Variants in BOLL observed in about 807,000 individuals in gnomAD.
BOLL encodes protein boule-like.
In BOLL, 23 loss-of-function variants were observed where a neutral mutation model predicts 44.4. The observed-to-expected ratio is 0.52, with a 90% CI of 0.37 to 0.73. The LOEUF is 0.73. BOLL is among the 30% of genes least tolerant of loss of function. The pLI is 0.00. For synonymous variants in BOLL, 97 were observed against 110.8 expected (o/e 0.88, Z 0.78); for missense variants, 287 against 338.3 (o/e 0.85, Z 1.19).
chr2:197,770,755 C>G (rs937283839), intron 6 of BOLL, among the ~76,000 whole-genome samples: 1 of 152,112 alleles, frequency 6.6e-6, no homozygotes, highest in Admixed American at 6.6e-5. Flanking sequence ...AAATGCTCAT[C>G]ATCACTGGCC....
chr2:197,740,071 T>C (rs1019903062), intron 10 of BOLL, among the ~76,000 whole-genome samples: 1 of 152,200 alleles, frequency 6.6e-6, no homozygotes, highest in Admixed American at 6.5e-5. Context: ...ACTATAGGTT[T>C]TGACAATATG....
chr2:197,759,097 A>G, intron 7 of BOLL: 1 of 975,528 alleles, frequency 1.0e-6, no homozygotes, highest in Non-Finnish European at 1.5e-6. Context: ...CCCCGCCACA[A>G]GAAAAGACTA....
chr2:197,740,973 TG>T (rs1329667222), intron 10 of BOLL, among the ~76,000 whole-genome samples: 2 of 152,180 alleles, frequency 1.3e-5, no homozygotes, highest in Non-Finnish European at 2.9e-5. Context: ...GGCTCTTTTT[TG>T]GTTCCATATG....
At chr2:197,781,321 C>T (rs1000329918) in intron 2 of BOLL, among the ~76,000 whole-genome samples, 1 of 152,026 alleles carries the variant, frequency 6.6e-6, no homozygotes, top group Non-Finnish European at 1.5e-5. Flanking sequence ...AATAGTATTT[C>T]ATAAAAGTAA....
intron 9 of BOLL, among the ~76,000 whole-genome samples, chr2:197,748,212 G>A (rs113779192): frequency 2.0e-5 from 3 of 152,184 alleles, no homozygotes; most frequent in Non-Finnish European, 4.4e-5. Flanking sequence ...CAGATACTAC[G>A]CTTTTCCCAT....
Position 197,737,075 on chromosome 2 carries a change from C to G in BOLL, c.828+5986G>C, listed in dbSNP as rs577193588. Among the ~76,000 whole-genome samples, 15 of 152,184 alleles carry G rather than the reference C, an allele frequency of 9.9e-5. No homozygotes were observed. The South Asian group carries it at 2.1e-3, about 21-fold the overall frequency. On this transcript the variant is annotated intron_variant, in intron 10 of 10. Coordinates refer to ENST00000392296, the MANE Select transcript of BOLL (RefSeq NM_033030.6). The stretch of plus-strand genomic sequence containing the variant: ...GGCAGTATTTTCTTACACTAGCCAG[C>G]AACCATTTCATTTTTCCTGTTTTTC...
chr2:197,781,899 T>C, intron 1 of BOLL, 34 bp from the exon 2 acceptor site: 6 of 1,562,698 alleles, frequency 3.8e-6, no homozygotes, highest in Non-Finnish European at 5.2e-6. Flanking sequence ...CTTTTTGCAC[T>C]GGGTATAATG....
intron 9 of BOLL, among the ~76,000 whole-genome samples, chr2:197,743,590 T>C (rs1460645659): frequency 6.6e-6 from 1 of 152,222 alleles, no homozygotes; most frequent in Non-Finnish European, 1.5e-5. Flanking sequence ...GTAGGAATTC[T>C]AGTAGACGTA....
intron 7 of BOLL, among the ~76,000 whole-genome samples, chr2:197,761,185 C>CT (rs1220877348): frequency 6.6e-6 from 1 of 152,058 alleles, no homozygotes. Context: ...GGGCACATGC[C>CT]TGTAGTCTCA....
At chr2:197,729,925 C>A (rs1268714307) in intron 10 of BOLL, among the ~76,000 whole-genome samples, 5 of 152,262 alleles carry the variant, frequency 3.3e-5, no homozygotes, top group Non-Finnish European at 7.3e-5. Context: ...TCCAAAGGAA[C>A]GCAGTTCCTC....
chr2:197,728,436 A>T lies in BOLL; in HGVS notation c.*119T>A, dbSNP rs1686950110. 6.7e-7 allele frequency: 1 copy of T among 1,481,558 alleles called. No individual in the cohort carries two copies. The highest frequency in any genetic ancestry group is 9.4e-7 in the Non-Finnish European group (1 of 1,063,908). The allele number at this position is 1,481,558 out of a possible 1,614,324, so 91.8% of individuals were successfully genotyped here. A position where few individuals can be genotyped will look rare whatever the true frequency, so the allele number is the denominator to read the frequency against. ...GAATAACTGAGTATGGTGAGGTATT[A>T]ACTAACACTAAGTTTCACAACGGGC... On this transcript the variant is annotated 3_prime_UTR_variant, in exon 11 of 11. Transcript: ENST00000392296.
chr2:197,779,591 A>G (rs967130556), intron 2 of BOLL, among the ~76,000 whole-genome samples: 32 of 151,964 alleles, frequency 2.1e-4, no homozygotes, highest in African/African-American at 6.8e-4. Flanking sequence ...AGAACAATGG[A>G]GTGACTATAA....
chr2:197,759,703 G>A (rs190078855), intron 7 of BOLL, among the ~76,000 whole-genome samples: 355 of 152,278 alleles, frequency 2.3e-3, no homozygotes, highest in African/African-American at 8.3e-3. Flanking sequence ...CCAGCTAGAG[G>A]AACAATCTGG....
intron 10 of BOLL, among the ~76,000 whole-genome samples, chr2:197,734,699 T>C (rs1687396140): frequency 6.6e-6 from 1 of 152,084 alleles, no homozygotes; most frequent in South Asian, 2.1e-4. Flanking sequence ...CTCAGCAAAC[T>C]ATTGCAAGGA....
intron 1 of BOLL, 199 bp downstream of exon 1, chr2:197,784,857 C>T: frequency 2.0e-6 from 2 of 987,474 alleles, no homozygotes; most frequent in Non-Finnish European, 2.4e-6. Context: ...AATAATTCCG[C>T]ATGTGTTACG....
intron 10 of BOLL, among the ~76,000 whole-genome samples, chr2:197,737,203 A>G (rs1687532306): frequency 6.6e-6 from 1 of 152,116 alleles, no homozygotes; most frequent in South Asian, 2.1e-4. Context: ...ACATATATAC[A>G]TATTTATACT....
intron 4 of BOLL, 101 bp downstream of exon 4, chr2:197,776,958 C>CT (rs1689543214): frequency 7.6e-6 from 7 of 925,896 alleles, no homozygotes; most frequent in Middle Eastern, 4.5e-4. Context: ...AGATGCAAAC[C>CT]TTTTTTAAAA....
intron 2 of BOLL, among the ~76,000 whole-genome samples, chr2:197,779,885 T>G (rs1689688573): frequency 6.6e-6 from 1 of 152,024 alleles, no homozygotes; most frequent in African/African-American, 2.4e-5. Flanking sequence ...AGAAAAAAAT[T>G]TCTTTATATA....
chr2:197,761,406 C>T (rs926735633), intron 7 of BOLL, among the ~76,000 whole-genome samples: 2 of 152,034 alleles, frequency 1.3e-5, no homozygotes, highest in Non-Finnish European at 2.9e-5. Flanking sequence ...ATGGTAACAA[C>T]GATCATGAAA....
Sources: gnomAD v4.1 joint callset for allele counts (sites outside exome capture counted in the v4.1 genomes callset) on GRCh38, gnomAD v4.1.1 for gene constraint, MANE v1.5 for transcripts, NCBI Gene and HGNC (gene_info 2026-07-23, HGNC 2026-07-21) for gene names.